Variants in SLC7A1 observed in about 807,000 individuals in gnomAD.
SLC7A1 encodes the protein high affinity cationic amino acid transporter 1.
In SLC7A1, 10 loss-of-function variants were observed where a neutral mutation model predicts 53.9. The ratio of observed to expected loss-of-function variants is 0.19; its 90% CI spans 0.11 to 0.31. The LOEUF (loss-of-function observed/expected upper bound fraction) is 0.31. Ranked by LOEUF, SLC7A1 falls within the 10% of genes least tolerant of loss-of-function variation. The pLI is 1.00. For synonymous variants in SLC7A1, 342 were observed against 338.7 expected (o/e 1.01, Z -0.11); for missense variants, 525 against 827.2 (o/e 0.63, Z 4.48).
chr13:29,517,112 C>A, intron 11 of SLC7A1, 32 bp downstream of exon 11: 1 of 1,556,592 alleles, frequency 6.4e-7, no homozygotes. Context: ...GGTCTGTGTA[C>A]CAGGGTTCCT....
rs140507261 is a variant in SLC7A1 at position 29,591,976 on chromosome 13, T to C, written c.-115+3440A>G. Among the ~76,000 whole-genome samples the C allele has an allele frequency of 3.6e-3, 541 of 152,314 alleles. 5 individuals carry two copies. The highest frequency in any genetic ancestry group is 0.031 in the South Asian group (152 of 4,828). ...TGGACTCCATGCTTCCTAACTTCACTACTGTGAGGCTGAGAGGGACAGGCT... is the reference window on the plus strand; with the variant it reads ...TGGACTCCATGCTTCCTAACTTCACCACTGTGAGGCTGAGAGGGACAGGCT... On this transcript the variant is annotated intron_variant, in intron 1 of 12. Transcript: ENST00000380752.
intron 2 of SLC7A1, among the ~76,000 whole-genome samples, chr13:29,545,035 C>T (rs1190672576): frequency 4.6e-5 from 7 of 152,050 alleles, no homozygotes; most frequent in Non-Finnish European, 8.8e-5. Flanking sequence ...TCACCAATGA[C>T]CTGAAATTCA....
At chr13:29,573,439 C>G (rs530140696) in intron 1 of SLC7A1, among the ~76,000 whole-genome samples, 55 of 152,272 alleles carry the variant, frequency 3.6e-4, no homozygotes, top group African/African-American at 1.3e-3. Flanking sequence ...GGAAGTAGCA[C>G]ACAGATGATG....
intron 8 of SLC7A1, among the ~76,000 whole-genome samples, chr13:29,520,545 C>G (rs188800592): frequency 0.022 from 3,408 of 152,310 alleles, 111 homozygotes; most frequent in African/African-American, 0.078. Flanking sequence ...ATTTGAACAT[C>G]TTTTGTGAGC....
Position 29,511,750 on chromosome 13 carries a change from C to T in SLC7A1, c.*2730G>A. ...AGGTCATGAACACATGCAGGGCAGT[C>T]ACAGGGGTTGTGGGAGACAGGAAGG... On this transcript the variant is annotated 3_prime_UTR_variant, in exon 13 of 13. Coordinates refer to ENST00000380752, the MANE Select transcript of SLC7A1 (RefSeq NM_003045.5). 1 of 152,178 alleles carries T rather than the reference C, an allele frequency of 6.6e-6. No individual in the cohort carries two copies. The allele number at this position is 152,178 out of a possible 1,614,324, so 9.4% of individuals were successfully genotyped here.
chr13:29,576,293 T>TTAAAAAAA lies in SLC7A1; in HGVS notation c.-115+19122_-115+19123insTTTTTTTA, dbSNP rs552407983. ...GGTATCAGTATGAGATCCTGTTTTTTAAAAAAAAAAAAAAGGAAAGAAAAC... is the reference window on the plus strand; with the variant it reads ...GGTATCAGTATGAGATCCTGTTTTTTTAAAAAAAAAAAAAAAAAAAAAGGAAAGAAAAC... On this transcript the variant is annotated intron_variant, in intron 1 of 12. Transcript: ENST00000380752. Among the ~76,000 whole-genome samples the TTAAAAAAA allele has an allele frequency of 1.2e-4, 15 of 124,966 alleles. No individual in the cohort carries two copies. In the East Asian group the frequency reaches 2.1e-3, roughly 17 times the overall value. The allele number at this position is 124,966 out of a possible 152,430, so 82.0% of individuals were successfully genotyped here.
intron 5 of SLC7A1, among the ~76,000 whole-genome samples, chr13:29,529,316 G>A (rs979943986): frequency 7.9e-5 from 12 of 152,276 alleles, no homozygotes; most frequent in Admixed American, 3.9e-4. Context: ...AATACTGGGC[G>A]ACATGGCTGG....
rs77692729 is a variant in SLC7A1, at chr13:29,510,266, C to T, written c.*4214G>A. On this transcript the variant is annotated 3_prime_UTR_variant, in exon 13 of 13. Coordinates refer to ENST00000380752, the MANE Select transcript of SLC7A1 (RefSeq NM_003045.5). The stretch of plus-strand genomic sequence containing the variant: ...GTTGTGGCTCAGTGAAGCACTGGCA[C>T]AGAAAGGCTGGACTCGAGGAATCGA... The T allele has an allele frequency of 1.6e-3, 243 of 152,750 alleles. No homozygotes were observed. The highest frequency in any genetic ancestry group is 5.2e-3 in the African/African-American group (216 of 41,570). The allele number at this position is 152,750 out of a possible 1,614,324, so 9.5% of individuals were successfully genotyped here. A position where few individuals can be genotyped will look rare whatever the true frequency, so the allele number is the denominator to read the frequency against.
intron 5 of SLC7A1, among the ~76,000 whole-genome samples, chr13:29,525,235 G>C (rs958925332): frequency 1.3e-5 from 2 of 152,210 alleles, no homozygotes; most frequent in African/African-American, 4.8e-5. Context: ...CACTCCTTGT[G>C]GTTCAAGAAG....
chr13:29,524,167 T>C lies in SLC7A1; in HGVS notation c.791A>G (p.Tyr264Cys), dbSNP rs1414875944. The C allele has an allele frequency of 2.5e-6, 4 of 1,613,912 alleles. No individual in the cohort carries two copies. The highest frequency in any genetic ancestry group is 1.1e-5 in the South Asian group (1 of 91,072). Residue 264 changes from tyrosine (Y) to cysteine (C), a missense_variant, in exon 6 of 13, where the codon TAT becomes TGT. Physicochemically the swap from Tyr to Cys is radical, Grantham distance 194. Transcript: ENST00000380752. ...GATGCAGTCAAAGCCCACGAAGGCATAGAAGCAAGTCGCTGCCCCCGACAG... is the reference window on the plus strand; with the variant it reads ...GATGCAGTCAAAGCCCACGAAGGCACAGAAGCAAGTCGCTGCCCCCGACAG... ...GVLSGAATCF[Y>C]AFVGFDCIAT... is the part of the protein sequence containing the mutation.
chr13:29,516,297 T>A, intron 11 of SLC7A1, 51 bp from the exon 12 acceptor site: 1 of 1,187,652 alleles, frequency 8.4e-7, no homozygotes, highest in Non-Finnish European at 1.2e-6. Flanking sequence ...CCGGTTCCAA[T>A]AGTTCAGTAA....
chr13:29,534,214 A>G (rs1309463052), intron 3 of SLC7A1, among the ~76,000 whole-genome samples: 1 of 152,090 alleles, frequency 6.6e-6, no homozygotes, highest in Admixed American at 6.5e-5. Context: ...TGCTGGAAAA[A>G]CTGCCCTTCC....
intron 5 of SLC7A1, among the ~76,000 whole-genome samples, chr13:29,525,482 A>C (rs954816320): frequency 6.6e-6 from 1 of 152,220 alleles, no homozygotes; most frequent in African/African-American, 2.4e-5. Context: ...GACATCCCTC[A>C]GGTTGGCTGG....
intron 2 of SLC7A1, among the ~76,000 whole-genome samples, chr13:29,538,431 T>C (rs1869521678): frequency 6.6e-6 from 1 of 152,178 alleles, no homozygotes; most frequent in Non-Finnish European, 1.5e-5. Flanking sequence ...CCCAGGTTGC[T>C]TTCAGCAACA....
At chr13:29,569,165 C>A (rs979818009) in intron 1 of SLC7A1, among the ~76,000 whole-genome samples, 3 of 152,162 alleles carry the variant, frequency 2.0e-5, no homozygotes, top group Non-Finnish European at 2.9e-5. Context: ...GCCTTCCCCA[C>A]TACGAGGCCC....
intron 6 of SLC7A1, 95 bp downstream of exon 6, chr13:29,524,037 G>T: frequency 7.9e-7 from 1 of 1,269,906 alleles, no homozygotes; most frequent in South Asian, 1.3e-5. Flanking sequence ...AAAGAGCGGC[G>T]ACTGGACCGT....
intron 1 of SLC7A1, among the ~76,000 whole-genome samples, chr13:29,581,196 A>T (rs1013638540): frequency 6.6e-6 from 1 of 152,072 alleles, no homozygotes; most frequent in African/African-American, 2.4e-5. Context: ...TGACATCCCG[A>T]CCCTGCCCCC....
intron 7 of SLC7A1, 133 bp from the exon 8 acceptor site, chr13:29,522,589 G>A: frequency 2.4e-6 from 2 of 846,974 alleles, no homozygotes; most frequent in Non-Finnish European, 3.7e-6. Context: ...CCTCCACGCT[G>A]GGTGAGGCCT....
chr13:29,532,130 A>C (rs764427353), intron 4 of SLC7A1, among the ~76,000 whole-genome samples: 2 of 152,224 alleles, frequency 1.3e-5, no homozygotes, highest in Non-Finnish European at 2.9e-5. Flanking sequence ...TCATTTTTAA[A>C]ACTCATCCAA....
Sources: gnomAD v4.1 joint callset for allele counts (sites outside exome capture counted in the v4.1 genomes callset) on GRCh38, gnomAD v4.1.1 for gene constraint, MANE v1.5 for transcripts, NCBI Gene and HGNC (gene_info 2026-07-23, HGNC 2026-07-21) for gene names.